The following ARHGEF11 variants were observed in gnomAD, a reference collection of about 807,000 sequenced individuals.
The protein encoded by ARHGEF11 is Rho guanine exchange factor (GEF) 11.
In ARHGEF11, 55 loss-of-function variants were observed where a neutral mutation model predicts 193.7. That is an observed-to-expected ratio of 0.28 (90% CI 0.23 to 0.36). The LOEUF (loss-of-function observed/expected upper bound fraction) is 0.36. Among genes scored for constraint, ARHGEF11 ranks in the 10% least tolerant of loss-of-function variants. The pLI is 1.00. For missense variants in ARHGEF11, 1,723 were observed against 2,005.6 expected (o/e 0.86, Z 2.69); for synonymous variants, 693 against 768.0 (o/e 0.90, Z 1.62).
intron 1 of ARHGEF11, among the ~76,000 whole-genome samples, chr1:157,003,292 T>C (rs972600147): frequency 1.3e-5 from 2 of 152,244 alleles, no homozygotes; most frequent in African/African-American, 4.8e-5. Context: ...TTGCACTCTG[T>C]CTAGAGAGAG....
intron 1 of ARHGEF11, among the ~76,000 whole-genome samples, chr1:157,017,706 C>CAAA (rs1047573559): frequency 6.5e-4 from 27 of 41,472 alleles, no homozygotes; most frequent in East Asian, 1.7e-3. Context: ...GACTCCGTCT[C>CAAA]AAAAAAAAAA....
At chr1:156,936,490 AAAAAAAAATAT>A (rs1655205636) in intron 40 of ARHGEF11, among the ~76,000 whole-genome samples, 3 of 95,922 alleles carry the variant, frequency 3.1e-5, no homozygotes, top group African/African-American at 1.3e-4. Context: ...GAAAAAAAAA[AAAAAAAAATAT>A]ATATATATAT....
intron 1 of ARHGEF11, among the ~76,000 whole-genome samples, chr1:157,043,378 G>C (rs1166402077): frequency 6.6e-6 from 1 of 152,154 alleles, no homozygotes; most frequent in East Asian, 1.9e-4. Context: ...GTTGAGGAGG[G>C]GTAGGGGAGG....
intron 11 of ARHGEF11, among the ~76,000 whole-genome samples, chr1:156,965,437 C>T (rs1011671944): frequency 1.3e-5 from 2 of 152,122 alleles, no homozygotes; most frequent in African/African-American, 2.4e-5. Flanking sequence ...CAAGGCTAGC[C>T]CTTGAACATT....
chr1:156,998,370 C>T (rs113239995), intron 1 of ARHGEF11, among the ~76,000 whole-genome samples: 5 of 152,176 alleles, frequency 3.3e-5, no homozygotes, highest in South Asian at 2.1e-4. Context: ...AGCTCAATGC[C>T]GAAGCTATGC....
chr1:157,022,007 T>TA (rs972094163), intron 1 of ARHGEF11, among the ~76,000 whole-genome samples: 2 of 152,202 alleles, frequency 1.3e-5, no homozygotes, highest in East Asian at 1.9e-4. Flanking sequence ...CCTTTTACAA[T>TA]AAAAAAATTC....
At chr1:157,031,181 T>C (rs963897126) in intron 1 of ARHGEF11, among the ~76,000 whole-genome samples, 4 of 152,188 alleles carry the variant, frequency 2.6e-5, no homozygotes, top group South Asian at 2.1e-4. Context: ...GCCTAACATT[T>C]AATATGTATT....
At chr1:157,028,275 A>C (rs1224201568) in intron 1 of ARHGEF11, among the ~76,000 whole-genome samples, 1 of 152,244 alleles carries the variant, frequency 6.6e-6, no homozygotes, top group Non-Finnish European at 1.5e-5. Context: ...GACATGAAGT[A>C]ATGATATAAT....
intron 7 of ARHGEF11, among the ~76,000 whole-genome samples, chr1:156,974,433 CCTT>C (rs1406772989): frequency 6.6e-6 from 1 of 152,124 alleles, no homozygotes; most frequent in Non-Finnish European, 1.5e-5. Flanking sequence ...CCTCACGAAG[CCTT>C]CTGATTATTG....
chr1:157,041,383 A>C (rs1341441147), intron 1 of ARHGEF11, among the ~76,000 whole-genome samples: 1 of 152,240 alleles, frequency 6.6e-6, no homozygotes, highest in Non-Finnish European at 1.5e-5. Flanking sequence ...ACTGAAAGAT[A>C]AAGAATAGTT....
intron 1 of ARHGEF11, among the ~76,000 whole-genome samples, chr1:157,008,226 T>A (rs562025024): frequency 1.1e-3 from 163 of 152,268 alleles, no homozygotes; most frequent in African/African-American, 3.7e-3. Context: ...CAGCCTTTGT[T>A]ATGGACTGAA....
chr1:156,944,867 T>C (rs1469086650), intron 30 of ARHGEF11, 152 bp downstream of exon 30: 4 of 1,059,756 alleles, frequency 3.8e-6, no homozygotes, highest in African/African-American at 3.2e-5. Context: ...AGGGTGACAA[T>C]AGCAGGGTGT....
intron 21 of ARHGEF11, among the ~76,000 whole-genome samples, chr1:156,952,906 G>A (rs147440767): frequency 1.4e-3 from 214 of 152,384 alleles, no homozygotes; most frequent in African/African-American, 4.9e-3. Context: ...CTGGGCAGCC[G>A]CAGCCCTGAG....
At chr1:156,980,335 G>A in intron 4 of ARHGEF11, 102 bp downstream of exon 4, 1 of 1,411,292 alleles carries the variant, frequency 7.1e-7, no homozygotes, top group Non-Finnish European at 9.8e-7. Context: ...CTGCCTGGCA[G>A]TTGGTATCAA....
chr1:156,961,516 G>A (rs1660847562), intron 14 of ARHGEF11, among the ~76,000 whole-genome samples, 161 bp downstream of exon 14: 1 of 152,186 alleles, frequency 6.6e-6, no homozygotes, highest in Non-Finnish European at 1.5e-5. Flanking sequence ...GATTTTTTGA[G>A]AGTGGCGCTA....
At chr1:157,016,509 G>GGT (rs1458507742) in intron 1 of ARHGEF11, among the ~76,000 whole-genome samples, 1 of 152,006 alleles carries the variant, frequency 6.6e-6, no homozygotes, top group Non-Finnish European at 1.5e-5. Flanking sequence ...CGTGAGCCAC[G>GGT]GTGCCCAGCC....
intron 1 of ARHGEF11, among the ~76,000 whole-genome samples, chr1:157,033,253 CTTTT>C (rs965090056): frequency 6.6e-6 from 1 of 150,878 alleles, no homozygotes; most frequent in African/African-American, 2.4e-5. Flanking sequence ...TCCAGAGTTC[CTTTT>C]TTTTTATTGA....
intron 1 of ARHGEF11, among the ~76,000 whole-genome samples, chr1:157,035,765 T>A (rs889222369): frequency 6.8e-6 from 1 of 146,374 alleles, no homozygotes; most frequent in Non-Finnish European, 1.5e-5. Flanking sequence ...TGGGAATATA[T>A]ATATATACAG....
chr1:156,969,216 A>G (rs564593765), intron 10 of ARHGEF11, 66 bp downstream of exon 10: 1 of 1,356,118 alleles, frequency 7.4e-7, no homozygotes, highest in South Asian at 1.2e-5. Context: ...TAGGCAGCAG[A>G]ACTTGGGTCA....
Sources: gnomAD v4.1 joint callset for allele counts (sites outside exome capture counted in the v4.1 genomes callset) on GRCh38, gnomAD v4.1.1 for gene constraint, MANE v1.5 for transcripts, NCBI Gene and HGNC (gene_info 2026-07-23, HGNC 2026-07-21) for gene names.